NBEA: variants seen among roughly 807,000 people sequenced by gnomAD.
NBEA encodes the protein lysosomal-trafficking regulator 2.
In NBEA, 44 loss-of-function variants were observed where a neutral mutation model predicts 343.4. That is an observed-to-expected ratio of 0.13 (90% CI 0.10 to 0.16). NBEA has a LOEUF of 0.16. Among genes scored for constraint, NBEA ranks in the 10% least tolerant of loss-of-function variants. NBEA has a pLI of 1.00. For synonymous variants in NBEA, 1,175 were observed against 1,238.7 expected (o/e 0.95, Z 1.08); for missense variants, 2,555 against 3,631.3 (o/e 0.70, Z 7.62).
chr13:35,323,022 G>A (rs953302787), intron 36 of NBEA, among the ~76,000 whole-genome samples: 3 of 151,712 alleles, frequency 2.0e-5, no homozygotes, highest in South Asian at 2.1e-4. Flanking sequence ...GCTGCATTTT[G>A]TATTTTTTGT....
At chr13:35,057,429 GTTTTTGTT>G (rs1037678647) in intron 7 of NBEA, among the ~76,000 whole-genome samples, 3 of 152,044 alleles carry the variant, frequency 2.0e-5, no homozygotes, top group African/African-American at 7.2e-5. Context: ...ATTTTTAAAG[GTTTTTGTT>G]TTTTTGTTTT....
At chr13:35,320,547 C>T (rs551004034) in intron 36 of NBEA, among the ~76,000 whole-genome samples, 3 of 152,110 alleles carry the variant, frequency 2.0e-5, no homozygotes, top group Non-Finnish European at 4.4e-5. Context: ...TCATTTCAAC[C>T]TTGGTGAATC....
chr13:35,338,109 A>C (rs2039374153), intron 36 of NBEA, among the ~76,000 whole-genome samples: 1 of 151,990 alleles, frequency 6.6e-6, no homozygotes, highest in Admixed American at 6.6e-5. Context: ...GAAGGAAAAA[A>C]TAGCAATTAA....
At position 35,050,388 on chromosome 13, in the gene NBEA, C is replaced by T. The variant is rs1202997415; in HGVS notation, c.965C>T (p.Pro322Leu). Reference sequence around the variant, plus strand: ...CATTGTGTGAAATATGATTTTCAACCACGCAAGGTAGGTAAAAGTAAATAT... The same window carrying T: ...CATTGTGTGAAATATGATTTTCAACTACGCAAGGTAGGTAAAAGTAAATAT... ...FQHCVKYDFQ[P>L]RKWYMISIVH... Residue 322 changes from proline (P) to leucine (L), a missense_variant, in exon 6 of 59, where the codon CCA (proline) becomes CTA (leucine). By Grantham distance (98) the Pro-to-Leu change is moderately conservative. Around this residue, in one of 21 missense-constraint regions of NBEA, gnomAD observed 75 missense variants for 237.4 expected, o/e 0.32. Transcript: ENST00000379939. 1 of 1,607,414 alleles carries T rather than the reference C, an allele frequency of 6.2e-7. No individual in the cohort carries two copies. Among genetic ancestry groups the T allele is most frequent in the Non-Finnish European group, 8.5e-7 (1 of 1,177,160 alleles).
At chr13:34,961,075 A>G (rs558418435) in intron 1 of NBEA, among the ~76,000 whole-genome samples, 11 of 152,142 alleles carry the variant, frequency 7.2e-5, no homozygotes, top group Non-Finnish European at 1.0e-4. Context: ...TTGAATTCCA[A>G]CGAAAGAATG....
intron 40 of NBEA, among the ~76,000 whole-genome samples, chr13:35,464,527 CAGA>C (rs2047070727): frequency 1.3e-5 from 2 of 152,162 alleles, no homozygotes; most frequent in African/African-American, 4.8e-5. Flanking sequence ...TGTGAATGTC[CAGA>C]ATTTTTTTCT....
At chr13:35,585,131 T>TAAAA (rs775053482) in intron 46 of NBEA, among the ~76,000 whole-genome samples, 6 of 71,448 alleles carry the variant, frequency 8.4e-5, no homozygotes, top group Non-Finnish European at 1.2e-4. Context: ...TCACTGACCT[T>TAAAA]AAAAAAAAAA....
chr13:35,117,014 G>T (rs1202141052), intron 13 of NBEA, among the ~76,000 whole-genome samples: 4 of 151,894 alleles, frequency 2.6e-5, no homozygotes, highest in Non-Finnish European at 5.9e-5. Flanking sequence ...TAAATAATGT[G>T]TGGGGTGAAA....
intron 48 of NBEA, among the ~76,000 whole-genome samples, chr13:35,622,364 A>G (rs1205160545): frequency 6.6e-6 from 1 of 152,122 alleles, no homozygotes; most frequent in Non-Finnish European, 1.5e-5. Flanking sequence ...AGAGAATGGC[A>G]ATGTGGACAT....
intron 41 of NBEA, among the ~76,000 whole-genome samples, chr13:35,544,584 G>T (rs1316823496): frequency 6.6e-5 from 10 of 152,126 alleles, no homozygotes; most frequent in Admixed American, 6.5e-4. Context: ...GGATTTCTAT[G>T]ACATTTGTAT....
chr13:35,470,017 G>A (rs1019215978), intron 40 of NBEA, among the ~76,000 whole-genome samples: 9 of 152,134 alleles, frequency 5.9e-5, no homozygotes, highest in African/African-American at 2.2e-4. Context: ...TTCTCTCTGC[G>A]GCTGGTTTGC....
intron 55 of NBEA, among the ~76,000 whole-genome samples, chr13:35,661,115 AGG>A (rs2085071534): frequency 1.3e-5 from 2 of 152,196 alleles, no homozygotes; most frequent in Admixed American, 1.3e-4. Flanking sequence ...TATGGGACTA[AGG>A]CTTCAAGAAA....
Position 35,393,267 on chromosome 13 carries a change from T to A in NBEA, c.6180-39002T>A, listed in dbSNP as rs191449742. 2.6e-3 allele frequency among the ~76,000 whole-genome samples: 397 copies of A among 152,256 alleles called. 3 individuals carry two copies. The highest frequency in any genetic ancestry group is 9.2e-3 in the African/African-American group (382 of 41,578). ...TTAGCACATTAAAAAAATGATTTTT[T>A]AAATTCTCCTGGTAGACAACTAAAT... On this transcript the variant is annotated intron_variant, in intron 38 of 58. Coordinates refer to ENST00000379939, the MANE Select transcript of NBEA (RefSeq NM_001385012.1).
chr13:35,151,561 A>AC (rs1452648598), intron 18 of NBEA, among the ~76,000 whole-genome samples: 1 of 151,604 alleles, frequency 6.6e-6, no homozygotes, highest in Non-Finnish European at 1.5e-5. Context: ...AAAAAAAAAA[A>AC]TTAAGGCACA....
intron 49 of NBEA, among the ~76,000 whole-genome samples, chr13:35,630,085 A>G (rs558425799): frequency 6.6e-6 from 1 of 152,308 alleles, no homozygotes; most frequent in South Asian, 2.1e-4. Flanking sequence ...TAAATACAAA[A>G]TAAAATACAT....
Position 35,215,860 on chromosome 13 carries a change from T to A in NBEA, c.5648+4681T>A, listed in dbSNP as rs144962891. 6.7e-3 allele frequency among the ~76,000 whole-genome samples: 1,024 copies of A among 151,770 alleles called. 9 individuals carry two copies. Among genetic ancestry groups the A allele is most frequent in the African/African-American group, 0.024 (983 of 41,516 alleles). On this transcript the variant is annotated intron_variant, in intron 33 of 58. Coordinates refer to ENST00000379939, the MANE Select transcript of NBEA (RefSeq NM_001385012.1). The stretch of plus-strand genomic sequence containing the variant: ...ATTTAAATTATAGATTTAGTTTTTT[T>A]AATTGATAAATGAGTATCCAGATAG...
intron 48 of NBEA, among the ~76,000 whole-genome samples, chr13:35,616,592 C>A (rs2082748626): frequency 6.6e-6 from 1 of 152,076 alleles, no homozygotes; most frequent in Non-Finnish European, 1.5e-5. Context: ...ACAGATTATT[C>A]ATTGAAAGGA....
rs551670642 is a variant in NBEA, at chr13:35,580,696, T to C, written c.7036-3202T>C. ...TTAGAAGCAAAATGATAGAAAAATATTAAGTACAAAGCAAATCACTTGCAT... is the reference window on the plus strand; with the variant it reads ...TTAGAAGCAAAATGATAGAAAAATACTAAGTACAAAGCAAATCACTTGCAT... On this transcript the variant is annotated intron_variant, in intron 45 of 58. Coordinates refer to ENST00000379939, the MANE Select transcript of NBEA (RefSeq NM_001385012.1). Among the ~76,000 whole-genome samples the C allele has an allele frequency of 1.7e-4, 26 of 152,294 alleles. 2 individuals are homozygous for C. The South Asian group carries it at 5.4e-3, about 32-fold the overall frequency.
At chr13:35,075,073 G>A (rs1308758511) in intron 10 of NBEA, among the ~76,000 whole-genome samples, 1 of 152,152 alleles carries the variant, frequency 6.6e-6, no homozygotes, top group South Asian at 2.1e-4. Context: ...ATGAAGAAGA[G>A]AAAAATTGAA....
Sources: gnomAD v4.1 joint callset for allele counts (sites outside exome capture counted in the v4.1 genomes callset) on GRCh38, gnomAD v4.1.1 for gene constraint, gnomAD v4.1.1 regional missense constraint, MANE v1.5 for transcripts, NCBI Gene and HGNC (gene_info 2026-07-23, HGNC 2026-07-21) for gene names.